Variants in PIP4K2A observed in about 807,000 individuals in gnomAD.
PIP4K2A encodes the protein phosphatidylinositol-5-phosphate 4-kinase type 2 alpha.
Under a neutral mutation model 42.9 loss-of-function variants are expected in PIP4K2A, and 14 were observed. The ratio of observed to expected loss-of-function variants is 0.33; its 90% confidence interval spans 0.22 to 0.51. The LOEUF is 0.51. PIP4K2A is among the 20% of genes least tolerant of loss of function. The pLI, the probability that PIP4K2A is intolerant of heterozygous loss-of-function variation, is 0.97. For synonymous variants in PIP4K2A, 192 were observed against 192.2 expected (o/e 1.00, Z 0.01); for missense variants, 434 against 519.8 (o/e 0.83, Z 1.61).
At chr10:22,573,021 C>G (rs907354999) in intron 5 of PIP4K2A, among the ~76,000 whole-genome samples, 2 of 152,188 alleles carry the variant, frequency 1.3e-5, no homozygotes, top group Non-Finnish European at 2.9e-5. Flanking sequence ...AATGTCAGCT[C>G]CCCGAGTGCA....
At position 22,664,182 on chromosome 10, in the gene PIP4K2A, C is replaced by CAT. The variant is rs1266883536; in HGVS notation, c.144+49999_144+50000dup. ...ATATATATATACATATATATATATACATATATATACATATATATATACATA... is the reference window on the plus strand; with the variant it reads ...ATATATATATACATATATATATATACATATATATATACATATATATATACATA... On this transcript the variant is annotated intron_variant, in intron 1 of 9. Coordinates refer to ENST00000376573, the MANE Select transcript of PIP4K2A (RefSeq NM_005028.5). 8.2e-3 allele frequency among the ~76,000 whole-genome samples: 356 copies of CAT among 43,468 alleles called. 11 individuals carry two copies. The highest frequency in any genetic ancestry group is 0.046 in the African/African-American group (274 of 5,970). The allele number at this position is 43,468 out of a possible 152,430, so 28.5% of individuals were successfully genotyped here.
At chr10:22,682,565 A>G (rs1161665347) in intron 1 of PIP4K2A, among the ~76,000 whole-genome samples, 2 of 152,216 alleles carry the variant, frequency 1.3e-5, no homozygotes, top group Non-Finnish European at 2.9e-5. Context: ...TTGACACTTG[A>G]GAGTTTAGCT....
intron 1 of PIP4K2A, among the ~76,000 whole-genome samples, chr10:22,673,186 T>C (rs973990516): frequency 2.6e-5 from 4 of 152,212 alleles, no homozygotes; most frequent in African/African-American, 9.7e-5. Context: ...GTCTTTCCCA[T>C]TACTTCCTGC....
chr10:22,646,200 T>C (rs1838877827), intron 1 of PIP4K2A: 1 of 152,152 alleles, frequency 6.6e-6, no homozygotes, highest in Non-Finnish European at 1.5e-5. Flanking sequence ...GGCAGGTACT[T>C]TGGTCACCAA....
chr10:22,671,833 T>C (rs903442167), intron 1 of PIP4K2A, among the ~76,000 whole-genome samples: 1 of 151,996 alleles, frequency 6.6e-6, no homozygotes, highest in Admixed American at 6.6e-5. Context: ...GACGCTGTTG[T>C]TCTTTCATGA....
intron 1 of PIP4K2A, among the ~76,000 whole-genome samples, chr10:22,617,825 T>C (rs1323111525): frequency 6.6e-6 from 1 of 152,052 alleles, no homozygotes; most frequent in Non-Finnish European, 1.5e-5. Flanking sequence ...GCATCCCTCC[T>C]CAAAAATCTC....
intron 7 of PIP4K2A, 30 bp downstream of exon 7, chr10:22,550,629 G>T: frequency 3.6e-6 from 4 of 1,118,274 alleles, no homozygotes; most frequent in Non-Finnish European, 5.5e-6. Flanking sequence ...TTTATACAAT[G>T]AGTCTGGCCT....
intron 1 of PIP4K2A, among the ~76,000 whole-genome samples, chr10:22,661,182 T>G (rs764479253): frequency 1.6e-4 from 25 of 152,226 alleles, no homozygotes; most frequent in Non-Finnish European, 3.5e-4. Flanking sequence ...TATTCATCTT[T>G]GCAGTTGCAA....
chr10:22,552,434 T>G (rs950493207), intron 6 of PIP4K2A, among the ~76,000 whole-genome samples: 2 of 152,108 alleles, frequency 1.3e-5, no homozygotes, highest in African/African-American at 4.8e-5. Flanking sequence ...ACCCCCTAAA[T>G]CTGTCATTAA....
In PIP4K2A at chr10:22,586,822, C is replaced by T. The variant is rs374498029; in HGVS notation, c.492+4807G>A. Among the ~76,000 whole-genome samples, 20 of 152,302 alleles carry T rather than the reference C, an allele frequency of 1.3e-4. No individual in the cohort carries two copies. In the East Asian group the frequency reaches 3.1e-3, roughly 23 times the overall value. ...CTGGGATTACAGACGTGAGCCACTGCGCCTGGCCCATTTAGCACTTCTTAT... is the reference window on the plus strand; with the variant it reads ...CTGGGATTACAGACGTGAGCCACTGTGCCTGGCCCATTTAGCACTTCTTAT... On this transcript the variant is annotated intron_variant, in intron 4 of 9. Coordinates refer to ENST00000376573, the MANE Select transcript of PIP4K2A (RefSeq NM_005028.5).
At chr10:22,687,424 G>A (rs116214959) in intron 1 of PIP4K2A, among the ~76,000 whole-genome samples, 138 of 152,214 alleles carry the variant, frequency 9.1e-4, no homozygotes, top group African/African-American at 3.1e-3. Context: ...AGATACAGAG[G>A]ATGAACAAGT....
chr10:22,601,542 C>A (rs2765995), intron 3 of PIP4K2A, among the ~76,000 whole-genome samples: 122,006 of 152,100 alleles, frequency 0.8, 49,994 homozygotes, highest in East Asian at 0.9. Context: ...GGGCAGCTAA[C>A]CTGTGAGGAC....
At chr10:22,682,910 C>T (rs1588704828) in intron 1 of PIP4K2A, among the ~76,000 whole-genome samples, 2 of 152,170 alleles carry the variant, frequency 1.3e-5, no homozygotes, top group Admixed American at 6.5e-5. Context: ...GTCTGAAAAT[C>T]CTGGCACTAC....
intron 1 of PIP4K2A, among the ~76,000 whole-genome samples, chr10:22,658,363 A>C (rs576850247): frequency 1.3e-5 from 2 of 152,374 alleles, no homozygotes; most frequent in Admixed American, 6.5e-5. Flanking sequence ...ACAAAATAAC[A>C]CCATCTCTAA....
intron 3 of PIP4K2A, among the ~76,000 whole-genome samples, chr10:22,595,208 T>A (rs1294208762): frequency 6.6e-6 from 1 of 152,196 alleles, no homozygotes; most frequent in African/African-American, 2.4e-5. Flanking sequence ...ACAATATTCC[T>A]GTGAGAGAGG....
rs779197964 is a variant in PIP4K2A, at chr10:22,567,864, C to T, written c.665G>A (p.Ser222Asn). 1 of 1,613,906 alleles carries T rather than the reference C, an allele frequency of 6.2e-7. No homozygotes were observed. ...LKGSTVAREA[S>N]DKEKAKELPT... ...CAAGGTACTTACCTTTTCTTTGTCA[C>T]TAGCTTCTCTAGCCACTGTAGAGCC... is the stretch of plus-strand genomic sequence containing the variant. The change falls in exon 6 of 10, where the codon AGT becomes AAT. Residue 222 changes from serine to asparagine, a missense_variant. Ser to Asn is a conservative substitution (Grantham distance 46). Coordinates refer to ENST00000376573, the MANE Select transcript of PIP4K2A (RefSeq NM_005028.5).
intron 1 of PIP4K2A, among the ~76,000 whole-genome samples, chr10:22,700,657 A>G (rs1588714973): frequency 6.6e-6 from 1 of 152,076 alleles, no homozygotes; most frequent in South Asian, 2.1e-4. Context: ...GTCAGCCCCC[A>G]CCTGCCCCTA....
At chr10:22,645,922 A>G (rs1334932175) in intron 1 of PIP4K2A, among the ~76,000 whole-genome samples, 1 of 152,104 alleles carries the variant, frequency 6.6e-6, no homozygotes, top group Non-Finnish European at 1.5e-5. Context: ...GGGTCTCCCT[A>G]TGTTGCCCAG....
Position 22,537,278 on chromosome 10 carries a change from C to G in PIP4K2A, c.1144G>C (p.Gly382Arg). 6.3e-7 allele frequency: 1 copy of G among 1,592,368 alleles called. No individual in the cohort carries two copies. The change falls in exon 10 of 10, where the codon GGC (glycine) becomes CGC (arginine). Residue 382 changes from glycine (G) to arginine (R), a missense_variant. By Grantham distance (125) the Gly-to-Arg change is moderately radical (BLOSUM62 -2). Transcript: ENST00000376573. ...HAAKTVKHGA[G>R]AEISTVNPEQ... is the part of the protein sequence containing the mutation. Reference sequence around the variant, plus strand: ...GGGTTCACGGTGGAGATCTCCGCGCCAGCCTGGGCAGTTTTTAAAAAAGGA... The same window carrying G: ...GGGTTCACGGTGGAGATCTCCGCGCGAGCCTGGGCAGTTTTTAAAAAAGGA...
Sources: allele counts gnomAD v4.1 joint callset (sites outside exome capture counted in the v4.1 genomes callset), GRCh38; gene constraint gnomAD v4.1.1; transcripts MANE v1.5; gene names NCBI Gene and HGNC (gene_info 2026-07-23, HGNC 2026-07-21).